Variants in GNAL observed in about 807,000 individuals in gnomAD.
The protein encoded by GNAL is guanine nucleotide-binding protein G(olf) subunit alpha.
GNAL carries 18 observed loss-of-function variants against 55.1 expected under a neutral mutation model. The ratio of observed to expected loss-of-function variants is 0.33; its 90% CI spans 0.23 to 0.48. The LOEUF is 0.48. Among genes scored for constraint, GNAL ranks in the 20% least tolerant of loss-of-function variants. GNAL has a pLI of 0.99. For missense variants in GNAL, 412 were observed against 614.1 expected (o/e 0.67, Z 3.48); for synonymous variants, 253 against 237.0 (o/e 1.07, Z -0.62).
At chr18:11,701,128 C>T (rs560798645) in intron 1 of GNAL, among the ~76,000 whole-genome samples, 5 of 152,246 alleles carry the variant, frequency 3.3e-5, no homozygotes, top group African/African-American at 1.2e-4. Flanking sequence ...CGAGCCTGCA[C>T]GTGCTCGGAG....
chr18:11,749,230 C>T (rs550067691), intron 1 of GNAL, among the ~76,000 whole-genome samples: 127 of 151,918 alleles, frequency 8.4e-4, no homozygotes, highest in African/African-American at 3.0e-3. Context: ...TCTTTACACA[C>T]TCATAAGATG....
At chr18:11,852,225 C>T in intron 5 of GNAL, 1 of 1,323,460 alleles carries the variant, frequency 7.6e-7, no homozygotes. Flanking sequence ...GCTGAAATGC[C>T]CTTCTACCTT....
chr18:11,756,104 C>T (rs2033047154), intron 4 of GNAL, among the ~76,000 whole-genome samples: 1 of 152,170 alleles, frequency 6.6e-6, no homozygotes, highest in African/African-American at 2.4e-5. Context: ...CCCATGTCTT[C>T]TTTCTCCTGT....
intron 4 of GNAL, among the ~76,000 whole-genome samples, chr18:11,782,513 T>G (rs1394336516): frequency 2.0e-5 from 3 of 152,000 alleles, no homozygotes; most frequent in Non-Finnish European, 4.4e-5. Context: ...TGATAAAAAT[T>G]TTTGAAAGGA....
chr18:11,830,675 G>A (rs541352809), intron 5 of GNAL, among the ~76,000 whole-genome samples: 2 of 152,242 alleles, frequency 1.3e-5, no homozygotes, highest in East Asian at 1.9e-4. Flanking sequence ...ACTGGTAGAT[G>A]GATGTTCATA....
At chr18:11,834,375 A>C (rs1378694068) in intron 5 of GNAL, among the ~76,000 whole-genome samples, 1 of 152,206 alleles carries the variant, frequency 6.6e-6, no homozygotes, top group African/African-American at 2.4e-5. Flanking sequence ...TGTAATTACA[A>C]GAAACATTTT....
chr18:11,849,583 GCAAACTCCAAGA>G (rs2035811658), intron 5 of GNAL, among the ~76,000 whole-genome samples: 1 of 151,940 alleles, frequency 6.6e-6, no homozygotes, highest in South Asian at 2.1e-4. Flanking sequence ...AAACTTGTTT[GCAAACTCCAAGA>G]AAAACCAGGA....
At chr18:11,746,608 C>G (rs2032692259) in intron 1 of GNAL, 1 of 246,836 alleles carries the variant, frequency 4.1e-6, no homozygotes, top group Non-Finnish European at 8.0e-6. Context: ...GACCCTGTGT[C>G]TAAAAAAAAG....
chr18:11,867,123 C>A (rs1567901235), intron 7 of GNAL, 45 bp from the exon 8 acceptor site: 3 of 1,447,576 alleles, frequency 2.1e-6, no homozygotes, highest in Middle Eastern at 1.7e-4. Flanking sequence ...TTGCCATTGT[C>A]CCCTGCTTCC....
intron 9 of GNAL, among the ~76,000 whole-genome samples, chr18:11,870,135 G>A (rs944434150): frequency 6.6e-6 from 1 of 152,236 alleles, no homozygotes; most frequent in African/African-American, 2.4e-5. Context: ...GTTTTCACAG[G>A]GAGTCCTAGA....
intron 1 of GNAL, among the ~76,000 whole-genome samples, chr18:11,721,996 C>T (rs2032105758): frequency 6.6e-6 from 1 of 152,110 alleles, no homozygotes; most frequent in Non-Finnish European, 1.5e-5. Flanking sequence ...ATTTTCAGTT[C>T]CTTTGAACTC....
In GNAL at chr18:11,868,961, C is replaced by T. The variant is rs1221657201; in HGVS notation, c.1031+298C>T. Among the ~76,000 whole-genome samples the T allele has an allele frequency of 6.6e-6, 1 of 151,852 alleles. No homozygotes were observed. The highest frequency in any genetic ancestry group is 1.5e-5 in the Non-Finnish European group (1 of 67,968). ...GGTAAGGGTTGCAATGAGCTGAGAT[C>T]ACACTACTGCACTCCTGCCTGGGCA... On this transcript the variant is annotated intron_variant, in intron 9 of 11. Coordinates refer to ENST00000334049, the MANE Select transcript of GNAL (RefSeq NM_182978.4). The surrounding 1 kb of genome is among the most constrained non-coding windows in gnomAD (Gnocchi z 4.0).
chr18:11,779,546 T>G (rs1486832821), intron 4 of GNAL, among the ~76,000 whole-genome samples: 1 of 152,138 alleles, frequency 6.6e-6, no homozygotes, highest in Non-Finnish European at 1.5e-5. Context: ...GTCCTTTCAG[T>G]TCACTCTGAC....
chr18:11,778,746 T>C (rs1170768619), intron 4 of GNAL, among the ~76,000 whole-genome samples: 1 of 151,988 alleles, frequency 6.6e-6, no homozygotes, highest in Non-Finnish European at 1.5e-5. Context: ...GTTCCCATCA[T>C]GGATTGGGAG....
intron 6 of GNAL, among the ~76,000 whole-genome samples, chr18:11,862,880 A>AC (rs2036179357): frequency 1.5e-5 from 2 of 135,122 alleles, no homozygotes; most frequent in African/African-American, 5.4e-5. Flanking sequence ...GCACTCCACC[A>AC]TTTTTTTTTT....
At chr18:11,788,914 A>AAAAAATATATATAT (rs60071996) in intron 4 of GNAL, among the ~76,000 whole-genome samples, 8 of 56,296 alleles carry the variant, frequency 1.4e-4, no homozygotes, top group Non-Finnish European at 2.0e-4. Flanking sequence ...AAAAAAAAAA[A>AAAAAATATATATAT]ATATATATAT....
chr18:11,853,054 A>G (rs1647542), intron 5 of GNAL: 164,479 of 167,214 alleles, frequency 0.98, 80,949 homozygotes, highest in East Asian at 1. Flanking sequence ...AGAAAACCCT[A>G]GGACTGTGTG....
At chr18:11,821,448 T>TTGTGAGAGTTAAATGCGATCA (rs2035086712) in intron 4 of GNAL, among the ~76,000 whole-genome samples, 1 of 152,166 alleles carries the variant, frequency 6.6e-6, no homozygotes, top group African/African-American at 2.4e-5. Context: ...TCTTCCAGTT[T>TTGTGAGAGTTAAATGCGATCA]TGTGAGAGTT....
intron 4 of GNAL, among the ~76,000 whole-genome samples, chr18:11,821,506 TAAG>T (rs760131681): frequency 1.3e-5 from 2 of 152,094 alleles, no homozygotes; most frequent in Non-Finnish European, 2.9e-5. Flanking sequence ...CTCGACAAAA[TAAG>T]AACTACGTAA....
Sources: allele counts gnomAD v4.1 joint callset (sites outside exome capture counted in the v4.1 genomes callset), GRCh38; gene constraint gnomAD v4.1.1; non-coding constraint Gnocchi (gnomAD v3.1); transcripts MANE v1.5; gene names NCBI Gene and HGNC (gene_info 2026-07-23, HGNC 2026-07-21).